EFCC1: variants seen among roughly 807,000 people sequenced by gnomAD.
EFCC1 encodes the protein EF-hand and coiled-coil domain-containing protein 1.
In EFCC1, 50 loss-of-function variants were observed where a neutral mutation model predicts 52.1. The ratio of observed to expected loss-of-function variants is 0.96; its 90% CI spans 0.76 to 1.21. The LOEUF (loss-of-function observed/expected upper bound fraction) is 1.21, where lower values mean the gene tolerates loss of function less well. Among genes scored for constraint, EFCC1 ranks in the 50% most tolerant of loss-of-function variants. The probability of loss-of-function intolerance (pLI) is 0.00; values close to 1 mark genes in which losing one functional copy is unlikely to be tolerated. For missense variants in EFCC1, 837 were observed against 867.3 expected (o/e 0.97, Z 0.44); for synonymous variants, 399 against 396.5 (o/e 1.01, Z -0.08).
chr3:129,003,657 C>T (rs1263544525), intron 1 of EFCC1, 137 bp from the exon 2 acceptor site: 1 of 903,712 alleles, frequency 1.1e-6, no homozygotes, highest in Non-Finnish European at 1.4e-6. Flanking sequence ...GGGCCTGGCA[C>T]CCGGAAGCAG....
At chr3:129,023,310 C>CTTTTTTTTT in intron 2 of EFCC1, among the ~76,000 whole-genome samples, 1 of 138,170 alleles carries the variant, frequency 7.2e-6, no homozygotes. Flanking sequence ...CCTCTTGCTT[C>CTTTTTTTTT]TTTTTTTTTT....
At chr3:129,009,274 T>C (rs1945211927) in intron 2 of EFCC1, among the ~76,000 whole-genome samples, 1 of 152,162 alleles carries the variant, frequency 6.6e-6, no homozygotes, top group Admixed American at 6.5e-5. Context: ...AGTTAGTTCT[T>C]AGAACTGAAA....
At chr3:129,031,938 C>T (rs574361970) in intron 3 of EFCC1, among the ~76,000 whole-genome samples, 4 of 152,256 alleles carry the variant, frequency 2.6e-5, no homozygotes, top group East Asian at 3.9e-4. Context: ...TCAGCCTGGC[C>T]GGGCCTGACT....
At chr3:129,038,969 G>C in intron 7 of EFCC1, 69 bp downstream of exon 7, 2 of 1,319,200 alleles carry the variant, frequency 1.5e-6, no homozygotes, top group Non-Finnish European at 1.1e-6. Flanking sequence ...GGAGACTCCA[G>C]TGTGCTTCAT....
Position 129,039,936 on chromosome 3 carries a change from C to G in EFCC1, c.*88C>G. ...ATCAGCCCAACCACTGACAGCTGGTCTGACCACCGTCACATCATCAGAACT... is the reference window on the plus strand; with the variant it reads ...ATCAGCCCAACCACTGACAGCTGGTGTGACCACCGTCACATCATCAGAACT... On this transcript the variant is annotated 3_prime_UTR_variant, in exon 8 of 8. Transcript: ENST00000683648. 1 of 1,462,436 alleles carries G rather than the reference C, an allele frequency of 6.8e-7. No individual in the cohort carries two copies. Among genetic ancestry groups the G allele is most frequent in the Non-Finnish European group, 9.1e-7 (1 of 1,097,486 alleles). 90.6% of individuals were successfully genotyped at this position (1,462,436 alleles called of 1,614,324 possible).
chr3:129,022,068 G>T (rs1013880902), intron 2 of EFCC1, among the ~76,000 whole-genome samples: 1 of 152,208 alleles, frequency 6.6e-6, no homozygotes, highest in Admixed American at 6.5e-5. Flanking sequence ...CTCACCGTGT[G>T]CTGGTGTCTA....
At chr3:129,024,347 C>T (rs552002437) in intron 2 of EFCC1, among the ~76,000 whole-genome samples, 1 of 152,118 alleles carries the variant, frequency 6.6e-6, no homozygotes, top group African/African-American at 2.4e-5. Context: ...GCCTGGCCAA[C>T]ATGGTAAAAC....
intron 4 of EFCC1, 30 bp from the exon 5 acceptor site, chr3:129,034,134 C>G: frequency 6.2e-7 from 1 of 1,613,510 alleles, no homozygotes; most frequent in Non-Finnish European, 8.5e-7. Flanking sequence ...AAGCAGCCCC[C>G]TGCAATGCGG....
At chr3:129,002,379 A>C in intron 1 of EFCC1, 55 bp downstream of exon 1, 1 of 1,482,124 alleles carries the variant, frequency 6.7e-7, no homozygotes, top group South Asian at 1.3e-5. Flanking sequence ...GCTCGAACTA[A>C]AAGCTGGCTG....
chr3:129,017,670 T>C (rs1005002795), intron 2 of EFCC1, among the ~76,000 whole-genome samples: 5 of 152,170 alleles, frequency 3.3e-5, no homozygotes, highest in African/African-American at 1.2e-4. Flanking sequence ...CACATCTCTC[T>C]CACAGCCTCT....
chr3:129,002,958 C>T (rs1451265913), intron 1 of EFCC1, among the ~76,000 whole-genome samples: 1 of 152,164 alleles, frequency 6.6e-6, no homozygotes, highest in African/African-American at 2.4e-5. Context: ...GAGATAGGGA[C>T]CCAGCCTTAG....
At chr3:129,033,066 A>C in intron 4 of EFCC1, 100 bp downstream of exon 4, 1 of 1,405,362 alleles carries the variant, frequency 7.1e-7, no homozygotes, top group East Asian at 2.7e-5. Context: ...TGGCTCAGCC[A>C]CCTCCCAGCC....
intron 2 of EFCC1, among the ~76,000 whole-genome samples, chr3:129,016,103 C>A (rs576030215): frequency 6.6e-6 from 1 of 152,282 alleles, no homozygotes; most frequent in African/African-American, 2.4e-5. Flanking sequence ...TGAGCCCAGG[C>A]GGTGTAATGG....
chr3:129,021,305 C>T (rs1427769932), intron 2 of EFCC1, among the ~76,000 whole-genome samples: 2 of 152,308 alleles, frequency 1.3e-5, no homozygotes, highest in East Asian at 3.9e-4. Flanking sequence ...AAGGGTTTTC[C>T]AAGAATCCGA....
At position 129,039,903 on chromosome 3, in the gene EFCC1, C is replaced by A; in HGVS notation, c.*55C>A. 6.5e-7 allele frequency: 1 copy of A among 1,532,574 alleles called. No individual in the cohort carries two copies. 94.9% of individuals were successfully genotyped at this position (1,532,574 alleles called of 1,614,324 possible). On this transcript the variant is annotated 3_prime_UTR_variant, in exon 8 of 8. Coordinates refer to ENST00000683648, the MANE Select transcript of EFCC1 (RefSeq NM_001377500.1). ...CTCAGCCTGACTGCCTTTGGACCAGCCTCCATGATCAGCCCAACCACTGAC... is the reference window on the plus strand; with the variant it reads ...CTCAGCCTGACTGCCTTTGGACCAGACTCCATGATCAGCCCAACCACTGAC...
In EFCC1 at chr3:129,002,342, A is replaced by AGG; in HGVS notation, c.696+20_696+21dup. On this transcript the variant is annotated intron_variant, in intron 1 of 7. Transcript: ENST00000683648. ...CACTGCAGGTGCGCGCCGGCCACGA[A>AGG]GGGAGGGTGGTAACGCCCGGGAGAG... 6.6e-7 allele frequency: 1 copy of AGG among 1,511,996 alleles called. No homozygotes were observed. Among genetic ancestry groups the AGG allele is most frequent in the Non-Finnish European group, 8.8e-7 (1 of 1,136,836 alleles). The allele number at this position is 1,511,996 out of a possible 1,614,324, so 93.7% of individuals were successfully genotyped here. A position where few individuals can be genotyped will look rare whatever the true frequency, so the allele number is the denominator to read the frequency against.
chr3:129,014,583 G>A lies in EFCC1; in HGVS notation c.980+10506G>A, dbSNP rs903578516. Among the ~76,000 whole-genome samples, 3 of 152,128 alleles carry A rather than the reference G, an allele frequency of 2.0e-5. No homozygotes were observed. The highest frequency in any genetic ancestry group is 4.4e-5 in the Non-Finnish European group (3 of 68,022). On this transcript the variant is annotated intron_variant, in intron 2 of 7. Transcript: ENST00000683648. The surrounding 1 kb of genome is among the most constrained non-coding windows in gnomAD (Gnocchi z 4.3). ...TGATTACCTCATTAAAGGTCCCATC[G>A]CCAAATAAGATCACATTATGAGGAG...
chr3:129,029,727 G>C (rs1196979628), intron 2 of EFCC1, among the ~76,000 whole-genome samples: 1 of 151,732 alleles, frequency 6.6e-6, no homozygotes, highest in African/African-American at 2.4e-5. Context: ...TGGGATTACA[G>C]GTGTGTGCCA....
chr3:129,025,614 A>G (rs542008998), intron 2 of EFCC1, among the ~76,000 whole-genome samples: 2 of 152,000 alleles, frequency 1.3e-5, no homozygotes, highest in Admixed American at 6.5e-5. Flanking sequence ...TGTTTTGTGT[A>G]TTTGCTTGTT....
Sources: allele counts gnomAD v4.1 joint callset (sites outside exome capture counted in the v4.1 genomes callset), GRCh38; gene constraint gnomAD v4.1.1; non-coding constraint Gnocchi (gnomAD v3.1); transcripts MANE v1.5; gene names NCBI Gene and HGNC (gene_info 2026-07-23, HGNC 2026-07-21).